The following ENPP3 variants were observed in gnomAD, a reference collection of about 807,000 sequenced individuals.
ENPP3 encodes ectonucleotide pyrophosphatase/phosphodiesterase family member 3.
In ENPP3, 104 loss-of-function variants were observed where a neutral mutation model predicts 117.8. The observed-to-expected ratio is 0.88, with a 90% CI of 0.75 to 1.04. The LOEUF (loss-of-function observed/expected upper bound fraction) is 1.04. Ranked by LOEUF, ENPP3 falls within the 50% of genes least tolerant of loss-of-function variation. The pLI, the probability that ENPP3 is intolerant of heterozygous loss-of-function variation, is 0.00. For missense variants in ENPP3, 1,026 were observed against 1,051.9 expected, an observed-to-expected ratio of 0.98 and a Z score of 0.34; for synonymous variants, 380 against 349.9, an observed-to-expected ratio of 1.09 and a Z score of -0.96.
chr6:131,707,144 A>T (rs1779659933), intron 15 of ENPP3, among the ~76,000 whole-genome samples: 2 of 151,218 alleles, frequency 1.3e-5, no homozygotes, highest in Admixed American at 1.3e-4. Context: ...TGATCTATTC[A>T]TGCCTGGTGA....
intron 6 of ENPP3, among the ~76,000 whole-genome samples, chr6:131,670,528 T>A (rs903088749): frequency 6.6e-6 from 1 of 152,194 alleles, no homozygotes; most frequent in Admixed American, 6.5e-5. Context: ...TTTCATTCTG[T>A]CACCCAGGCT....
intron 5 of ENPP3, among the ~76,000 whole-genome samples, chr6:131,654,161 T>C (rs76373261): frequency 0.025 from 3,723 of 151,104 alleles, 73 homozygotes; most frequent in Middle Eastern, 0.045. Flanking sequence ...AGATAGGGTC[T>C]CACTCTGTCA....
intron 18 of ENPP3, among the ~76,000 whole-genome samples, chr6:131,723,339 A>G (rs1009522792): frequency 5.3e-5 from 8 of 152,170 alleles, no homozygotes; most frequent in African/African-American, 1.9e-4. Context: ...ATGAAGATCA[A>G]ATCCACAGCA....
chr6:131,676,465 G>C (rs1353631399), intron 9 of ENPP3, among the ~76,000 whole-genome samples: 1 of 152,064 alleles, frequency 6.6e-6, no homozygotes, highest in African/African-American at 2.4e-5. Context: ...TGAATGAATG[G>C]ATCATAATCA....
chr6:131,639,017 G>A, intron 1 of ENPP3, among the ~76,000 whole-genome samples: 1 of 151,540 alleles, frequency 6.6e-6, no homozygotes, highest in East Asian at 1.9e-4. Context: ...AAAACTAATT[G>A]CATTATTTTT....
rs374028897 is a variant in ENPP3, at chr6:131,693,585, A to C, written c.1373A>C (p.Lys458Thr). 157 of 1,613,858 alleles carry C rather than the reference A, an allele frequency of 9.7e-5. No homozygotes were observed. The highest frequency in any genetic ancestry group is 1.3e-4 in the Non-Finnish European group (152 of 1,179,926). The change falls in exon 15 of 25, where the codon AAA becomes ACA. Residue 458 changes from lysine (K) to threonine (T), a missense_variant. Coordinates refer to ENST00000357639, the MANE Select transcript of ENPP3 (RefSeq NM_005021.5). ...TATGCCAAGAACGTCAGAATCGACA[A>C]AGTTCATCTCTTTGTGGATCAACAG... is the stretch of plus-strand genomic sequence containing the variant. ...LHYAKNVRID[K>T]VHLFVDQQWL...
intron 20 of ENPP3, among the ~76,000 whole-genome samples, chr6:131,732,003 C>T (rs1053796369): frequency 6.6e-6 from 1 of 152,176 alleles, no homozygotes; most frequent in African/African-American, 2.4e-5. Context: ...TTGTTCTATA[C>T]CTCAGCATGG....
At chr6:131,742,260 CATT>C (rs1418611352) in intron 24 of ENPP3, among the ~76,000 whole-genome samples, 3 of 152,042 alleles carry the variant, frequency 2.0e-5, no homozygotes, top group Non-Finnish European at 4.4e-5. Flanking sequence ...AAGGGTAAGC[CATT>C]ATTCTTTACT....
At chr6:131,655,788 G>C (rs1778373140) in intron 5 of ENPP3, among the ~76,000 whole-genome samples, 1 of 152,282 alleles carries the variant, frequency 6.6e-6, no homozygotes, top group East Asian at 1.9e-4. Context: ...TTACAGGACT[G>C]ATTTGTCAAT....
At chr6:131,732,435 C>T (rs749740612) in intron 20 of ENPP3, among the ~76,000 whole-genome samples, 27 of 152,044 alleles carry the variant, frequency 1.8e-4, no homozygotes, top group Non-Finnish European at 1.0e-4. Context: ...TTTTTTAAGA[C>T]GGAGTCTCTC....
chr6:131,670,842 G>A (rs189612513), intron 6 of ENPP3, among the ~76,000 whole-genome samples: 84 of 152,198 alleles, frequency 5.5e-4, no homozygotes, highest in African/African-American at 1.9e-3. Flanking sequence ...TTTATGACAC[G>A]TAAAAATTAC....
At chr6:131,640,914 A>T (rs1318216120) in intron 1 of ENPP3, among the ~76,000 whole-genome samples, 1 of 152,214 alleles carries the variant, frequency 6.6e-6, no homozygotes, top group Admixed American at 6.5e-5. Context: ...AATTATCCTA[A>T]GTGGTTTGTA....
intron 21 of ENPP3, among the ~76,000 whole-genome samples, chr6:131,736,608 C>T (rs1446926775): frequency 6.6e-6 from 1 of 151,986 alleles, no homozygotes; most frequent in Non-Finnish European, 1.5e-5. Context: ...GGGGACACAG[C>T]CAAACCATAT....
intron 3 of ENPP3, among the ~76,000 whole-genome samples, chr6:131,652,110 A>G (rs994248067): frequency 1.3e-5 from 2 of 152,232 alleles, no homozygotes; most frequent in Non-Finnish European, 1.5e-5. Context: ...TGATCTGCCT[A>G]CATTCTCAAA....
intron 20 of ENPP3, among the ~76,000 whole-genome samples, chr6:131,729,750 C>T (rs557343581): frequency 7.2e-5 from 11 of 152,164 alleles, no homozygotes; most frequent in South Asian, 6.2e-4. Context: ...TGCATAATCT[C>T]GCCTGGATAA....
At chr6:131,669,479 C>G (rs1778692214) in intron 6 of ENPP3, among the ~76,000 whole-genome samples, 1 of 151,406 alleles carries the variant, frequency 6.6e-6, no homozygotes, top group Non-Finnish European at 1.5e-5. Flanking sequence ...TCGAGACAAG[C>G]CTGGCTAACA....
At chr6:131,710,432 T>TG in intron 15 of ENPP3, 2 of 1,570,232 alleles carry the variant, frequency 1.3e-6, no homozygotes, top group Non-Finnish European at 1.7e-6. Flanking sequence ...TTAAATGTCT[T>TG]GCAGATGATT....
chr6:131,674,630 T>C (rs546320491), intron 8 of ENPP3, among the ~76,000 whole-genome samples: 2 of 151,612 alleles, frequency 1.3e-5, no homozygotes, highest in African/African-American at 4.8e-5. Context: ...TGGAGTGCAG[T>C]GGTGTGATCT....
At chr6:131,697,011 C>T (rs914275462) in intron 15 of ENPP3, among the ~76,000 whole-genome samples, 1 of 152,142 alleles carries the variant, frequency 6.6e-6, no homozygotes, top group East Asian at 1.9e-4. Context: ...CCTCATGATC[C>T]GCCCTCCTTG....
Sources: gnomAD v4.1 joint callset for allele counts (sites outside exome capture counted in the v4.1 genomes callset) on GRCh38, gnomAD v4.1.1 for gene constraint, MANE v1.5 for transcripts, NCBI Gene and HGNC (gene_info 2026-07-23, HGNC 2026-07-21) for gene names.